MSN: variants seen among roughly 807,000 people sequenced by gnomAD.
The protein encoded by MSN is moesin.
A neutral mutation model predicts 48.0 loss-of-function variants in MSN; 2 were observed. That is an observed-to-expected ratio of 0.04 (90% confidence interval 0.02 to 0.13). The LOEUF (loss-of-function observed/expected upper bound fraction) is 0.13, where lower values mean the gene tolerates loss of function less well. Ranked by LOEUF, MSN falls within the 10% of genes least tolerant of loss-of-function variation. The pLI, the probability that MSN is intolerant of heterozygous loss-of-function variation, is 1.00. For missense variants in MSN, 267 were observed against 470.1 expected, an observed-to-expected ratio of 0.57 and a Z score of 3.99; for synonymous variants, 146 against 166.9, an observed-to-expected ratio of 0.87 and a Z score of 0.97.
intron 1 of MSN, among the ~76,000 whole-genome samples, chrX:65,670,935 TATATATATATATATATATA>T (rs2070932930): frequency 1.6e-5 from 1 of 62,993 alleles, no homozygotes; most frequent in Admixed American, 1.9e-4. Flanking sequence ...TATATATATA[TATATATATATATATATATA>T]TTTAAAAAGG....
chrX:65,670,937 T>A (rs1489083477), intron 1 of MSN, among the ~76,000 whole-genome samples: 1 of 62,894 alleles, frequency 1.6e-5, no homozygotes, highest in African/African-American at 6.0e-5. Context: ...TATATATATA[T>A]ATATATATAT....
At chrX:65,615,915 T>C (rs1430798727) in intron 1 of MSN, among the ~76,000 whole-genome samples, 117 of 111,290 alleles carry the variant, frequency 1.1e-3, no homozygotes, top group Non-Finnish European at 2.0e-3. Context: ...GTTTCAGCTT[T>C]CTACATATGG....
Position 65,738,521 on chromosome X carries a change from G to C in MSN, c.1252-4G>C. 2.5e-6 allele frequency: 3 copies of C among 1,202,652 alleles called. No homozygotes were observed. The South Asian group carries it at 5.4e-5, about 22-fold the overall frequency. Reference sequence around the variant, plus strand: ...GCTCTCACAGGCTTCCAATTTATCCGTAGGCCTTGGAAATGGCAGAGCTGA... The same window carrying C: ...GCTCTCACAGGCTTCCAATTTATCCCTAGGCCTTGGAAATGGCAGAGCTGA... On this transcript the variant is annotated splice_polypyrimidine_tract_variant and splice_region_variant and intron_variant, in intron 10 of 12. Coordinates refer to ENST00000360270, the MANE Select transcript of MSN (RefSeq NM_002444.3).
intron 2 of MSN, among the ~76,000 whole-genome samples, chrX:65,726,375 C>T (rs1216318815): frequency 9.0e-6 from 1 of 111,628 alleles, no homozygotes; most frequent in Non-Finnish European, 1.9e-5. Context: ...AGATGCATTA[C>T]CTCTCTAAGC....
upstream of MSN, among the ~76,000 whole-genome samples, chrX:65,662,983 C>T (rs370135205): frequency 7.2e-5 from 8 of 111,757 alleles, no homozygotes; most frequent in Non-Finnish European, 1.3e-4. Context: ...AAGGGCCAGG[C>T]GTGGCGGCTC....
chrX:65,734,820 A>G (rs2071658974), intron 7 of MSN, among the ~76,000 whole-genome samples: 1 of 111,439 alleles, frequency 9.0e-6, no homozygotes. Flanking sequence ...CTTTTAGGAG[A>G]TTGTAGAAAC....
intron 1 of MSN, among the ~76,000 whole-genome samples, chrX:65,646,146 TC>T (rs2070693728): frequency 8.9e-6 from 1 of 112,055 alleles, no homozygotes; most frequent in African/African-American, 3.2e-5. Context: ...CATGAGTATA[TC>T]TTTTCCTTTT....
At chrX:65,693,824 C>A (rs935512942) in intron 1 of MSN, among the ~76,000 whole-genome samples, 2 of 111,607 alleles carry the variant, frequency 1.8e-5, no homozygotes, top group Non-Finnish European at 3.8e-5. Context: ...GAGGCCGAGG[C>A]GGGCAGATCA....
intron 1 of MSN, among the ~76,000 whole-genome samples, chrX:65,702,659 CTG>C (rs10549770): frequency 0.17 from 18,790 of 109,918 alleles, 4,028 homozygotes; most frequent in African/African-American, 0.6. Flanking sequence ...GAGTGAGACT[CTG>C]TCTAAAACAA....
At chrX:65,614,444 AG>A (rs2070348469) in intron 1 of MSN, among the ~76,000 whole-genome samples, 1 of 109,871 alleles carries the variant, frequency 9.1e-6, no homozygotes, top group Non-Finnish European at 1.9e-5. Flanking sequence ...ATAGCATTGA[AG>A]CTATAAATTA....
At chrX:65,617,423 G>T (rs2070385111) in intron 1 of MSN, among the ~76,000 whole-genome samples, 1 of 105,287 alleles carries the variant, frequency 9.5e-6, no homozygotes, top group South Asian at 3.7e-4. Context: ...CTTCTTCCTG[G>T]TTTAGTCTTG....
chrX:65,603,797 C>T (rs1169541219), intron 1 of MSN, among the ~76,000 whole-genome samples: 1 of 111,541 alleles, frequency 9.0e-6, no homozygotes, highest in African/African-American at 3.3e-5. Flanking sequence ...TTAGCAGGCT[C>T]TTGTGATCCA....
chrX:65,622,366 C>G (rs1023408006), intron 1 of MSN, among the ~76,000 whole-genome samples: 1 of 110,366 alleles, frequency 9.1e-6, no homozygotes, highest in Non-Finnish European at 1.9e-5. Flanking sequence ...TCCCAAACTG[C>G]TGGGATTACA....
chrX:65,646,094 T>C (rs1238596007), intron 1 of MSN, among the ~76,000 whole-genome samples: 1 of 112,164 alleles, frequency 8.9e-6, no homozygotes, highest in Non-Finnish European at 1.9e-5. Flanking sequence ...TATTGGATAA[T>C]GAATATTCAA....
At chrX:65,632,960 C>G (rs1410047753) in intron 1 of MSN, among the ~76,000 whole-genome samples, 2 of 111,399 alleles carry the variant, frequency 1.8e-5, no homozygotes, top group Admixed American at 1.9e-4. Context: ...GAGAAGTAAT[C>G]CTCAGCTAAG....
intron 1 of MSN, among the ~76,000 whole-genome samples, chrX:65,642,353 GT>G (rs1305908342): frequency 1.4e-5 from 1 of 71,491 alleles, no homozygotes; most frequent in Admixed American, 1.3e-4. Context: ...ACATTATGGT[GT>G]GTGTGTGTGT....
intron 1 of MSN, among the ~76,000 whole-genome samples, chrX:65,642,480 C>G (rs1195065674): frequency 1.8e-5 from 2 of 110,038 alleles, no homozygotes; most frequent in Non-Finnish European, 3.8e-5. Context: ...GCATGGCATA[C>G]CACACAAAGC....
chrX:65,673,436 G>A (rs1199068601), intron 1 of MSN, among the ~76,000 whole-genome samples: 1 of 110,461 alleles, frequency 9.1e-6, no homozygotes, highest in Non-Finnish European at 1.9e-5. Context: ...AGTGAGCTGA[G>A]GACTGGCTAT....
rs2071417800 is a variant in MSN, at chrX:65,711,775, G to A, written c.13-5043G>A. 6.3e-5 allele frequency among the ~76,000 whole-genome samples: 7 copies of A among 111,225 alleles called. 1 individual carries two copies. In the Admixed American group the frequency reaches 6.7e-4, roughly 11 times the overall value. On this transcript the variant is annotated intron_variant, in intron 1 of 12. Transcript: ENST00000360270. ...TTCACTAGACAGGCAAGAATGATTC[G>A]TGGCACAAAAAAGTCAAGATGTCAA...
Sources: allele counts gnomAD v4.1 joint callset (sites outside exome capture counted in the v4.1 genomes callset), GRCh38; gene constraint gnomAD v4.1.1; transcripts MANE v1.5; gene names NCBI Gene and HGNC (gene_info 2026-07-23, HGNC 2026-07-21).